Variants in COL19A1 observed in about 807,000 individuals in gnomAD.
The protein encoded by COL19A1 is collagen type XIX alpha 1 chain.
COL19A1 carries 159 observed loss-of-function variants against 190.2 expected under a neutral mutation model. The observed-to-expected ratio is 0.84, with a 90% CI of 0.73 to 0.95. The LOEUF (loss-of-function observed/expected upper bound fraction) is 0.95. Ranked by LOEUF, COL19A1 falls within the 40% of genes least tolerant of loss-of-function variation. COL19A1 has a pLI of 0.00. For synonymous variants in COL19A1, 509 were observed against 458.9 expected, an observed-to-expected ratio of 1.11 and a Z score of -1.39; for missense variants, 1,418 against 1,431.9, an observed-to-expected ratio of 0.99 and a Z score of 0.16.
intron 11 of COL19A1, among the ~76,000 whole-genome samples, chr6:70,008,039 C>G (rs1777741218): frequency 6.6e-6 from 1 of 151,366 alleles, no homozygotes; most frequent in South Asian, 2.1e-4. Flanking sequence ...AAAATAAAAA[C>G]AAGTTTAGTT....
intron 49 of COL19A1, among the ~76,000 whole-genome samples, chr6:70,205,698 A>G (rs1391124331): frequency 6.6e-6 from 1 of 152,266 alleles, no homozygotes; most frequent in South Asian, 2.1e-4. Context: ...CCAATATATA[A>G]AATGCAGATA....
intron 46 of COL19A1, among the ~76,000 whole-genome samples, chr6:70,185,141 T>C (rs1766428211): frequency 6.6e-6 from 1 of 152,214 alleles, no homozygotes. Flanking sequence ...CAAGTATACT[T>C]TGCTGTTTAA....
At chr6:70,072,998 T>C (rs539545184) in intron 15 of COL19A1, among the ~76,000 whole-genome samples, 1 of 141,968 alleles carries the variant, frequency 7.0e-6, no homozygotes, top group African/African-American at 2.6e-5. Flanking sequence ...TTTATTTATT[T>C]ATTATTGAGA....
intron 41 of COL19A1, among the ~76,000 whole-genome samples, chr6:70,174,240 A>G (rs563142450): frequency 1.3e-5 from 2 of 152,228 alleles, no homozygotes; most frequent in South Asian, 4.1e-4. Flanking sequence ...CTTGAGGTTC[A>G]TGGTCATGAA....
chr6:69,950,325 T>C (rs1357059523), intron 9 of COL19A1, among the ~76,000 whole-genome samples: 4 of 151,860 alleles, frequency 2.6e-5, no homozygotes, highest in Admixed American at 2.6e-4. Flanking sequence ...CATTTAGTTA[T>C]GTTCTTTTGT....
At chr6:70,167,969 AG>A in intron 37 of COL19A1, 55 bp from the exon 38 acceptor site, 1 of 1,254,624 alleles carries the variant, frequency 8.0e-7, no homozygotes, top group East Asian at 2.3e-5. Context: ...GATAAAATGT[AG>A]AGATGCAAAG....
chr6:69,900,319 C>A lies in COL19A1; in HGVS notation c.247C>A (p.Leu83Ile). Residue 83 changes from leucine (L) to isoleucine (I), a missense_variant, in exon 4 of 51, where the codon CTT becomes ATT. Coordinates refer to ENST00000620364, the MANE Select transcript of COL19A1 (RefSeq NM_001858.6). ...DKTCFKLGSA[L>I]LIRDTIKIFP... ...AACCTGTTTCAAATTGGGAAGTGCA[C>A]TTCTTATTAGAGACACTATGTAAGT... The A allele has an allele frequency of 6.3e-7, 1 of 1,580,114 alleles. No homozygotes were observed. Among genetic ancestry groups the A allele is most frequent in the South Asian group, 1.2e-5 (1 of 84,794 alleles).
At chr6:70,151,554 T>C in intron 31 of COL19A1, 116 bp downstream of exon 31, 1 of 880,000 alleles carries the variant, frequency 1.1e-6, no homozygotes, top group Non-Finnish European at 1.8e-6. Flanking sequence ...AATTTTTAAA[T>C]GGCAGGACAT....
intron 2 of COL19A1, among the ~76,000 whole-genome samples, chr6:69,891,563 G>C (rs534266397): frequency 6.6e-6 from 1 of 152,260 alleles, no homozygotes; most frequent in African/African-American, 2.4e-5. Flanking sequence ...ATGAGGGAGA[G>C]AGGGAAGAAT....
intron 1 of COL19A1, among the ~76,000 whole-genome samples, chr6:69,876,454 T>G (rs1768132882): frequency 6.6e-6 from 1 of 152,190 alleles, no homozygotes; most frequent in East Asian, 1.9e-4. Flanking sequence ...AACTAAATTT[T>G]TCCAATTATT....
rs749792914 is a variant in COL19A1 at position 70,212,136 on chromosome 6, T to G, written c.*4862T>G. On this transcript the variant is annotated 3_prime_UTR_variant, in exon 51 of 51. Coordinates refer to ENST00000620364, the MANE Select transcript of COL19A1 (RefSeq NM_001858.6). ...TGCTGGCTATTTTACAACTTTTTAT[T>G]GTATTGTGTTATGCAAAGTACATTT... Among the ~76,000 whole-genome samples, 1 of 152,210 alleles carries G rather than the reference T, an allele frequency of 6.6e-6. No homozygotes were observed. The highest frequency in any genetic ancestry group is 1.5e-5 in the Non-Finnish European group (1 of 68,014).
At chr6:69,984,058 C>T (rs1030053093) in intron 11 of COL19A1, among the ~76,000 whole-genome samples, 3 of 151,988 alleles carry the variant, frequency 2.0e-5, no homozygotes, top group African/African-American at 7.2e-5. Context: ...TTTAAGAATT[C>T]ACCAAAAAGC....
intron 4 of COL19A1, among the ~76,000 whole-genome samples, chr6:69,917,517 C>G (rs780160951): frequency 2.0e-5 from 3 of 152,128 alleles, no homozygotes; most frequent in Non-Finnish European, 4.4e-5. Flanking sequence ...CTTACAGGAC[C>G]CTGTTTTTGT....
chr6:69,898,860 TC>T (rs1769968758), intron 2 of COL19A1, 87 bp from the exon 3 acceptor site: 1 of 786,104 alleles, frequency 1.3e-6, no homozygotes, highest in Admixed American at 2.4e-5. Flanking sequence ...TTAATTTATT[TC>T]CATTTTATCT....
Position 70,144,988 on chromosome 6 carries a change from AAAGCCTGCCAGGGGAACCAGT to A in COL19A1, c.1755_1770+5del. On this transcript the variant is annotated splice_donor_variant and coding_sequence_variant, in exon 25 of 51. Coordinates refer to ENST00000620364, the MANE Select transcript of COL19A1 (RefSeq NM_001858.6). LOFTEE classifies it high-confidence loss of function. ...AAAGGTGAGGCTGGTCCTCCAGGGA[AAAGCCTGCCAGGGGAACCAGT>A]AAGTATTAGCCCTTTTGTTAATATT... 2 of 1,591,024 alleles carry A rather than the reference AAAGCCTGCCAGGGGAACCAGT, an allele frequency of 1.3e-6. No homozygotes were observed. Among genetic ancestry groups the A allele is most frequent in the Non-Finnish European group, 1.7e-6 (2 of 1,166,920 alleles).
intron 10 of COL19A1, among the ~76,000 whole-genome samples, chr6:69,961,765 TTTAA>T (rs1231118446): frequency 4.6e-5 from 7 of 151,978 alleles, no homozygotes; most frequent in African/African-American, 1.2e-4. Context: ...ATGTATACTA[TTTAA>T]TTATATAATC....
chr6:70,084,365 A>G (rs1782459181), intron 15 of COL19A1, among the ~76,000 whole-genome samples: 1 of 152,222 alleles, frequency 6.6e-6, no homozygotes, highest in Non-Finnish European at 1.5e-5. Flanking sequence ...CTATGGCCGA[A>G]TTCTGCTCCC....
chr6:70,174,355 G>T (rs542971332), intron 41 of COL19A1, among the ~76,000 whole-genome samples: 25 of 152,276 alleles, frequency 1.6e-4, no homozygotes, highest in African/African-American at 6.0e-4. Flanking sequence ...ATCACCTGAG[G>T]TCAGGAGTTC....
intron 31 of COL19A1, among the ~76,000 whole-genome samples, chr6:70,153,303 A>T (rs951888008): frequency 6.6e-6 from 1 of 152,152 alleles, no homozygotes; most frequent in African/African-American, 2.4e-5. Context: ...GTTCGCAAAA[A>T]TATCTTTGAT....
Sources: gnomAD v4.1 joint callset for allele counts (sites outside exome capture counted in the v4.1 genomes callset) on GRCh38, gnomAD v4.1.1 for gene constraint, MANE v1.5 for transcripts, NCBI Gene and HGNC (gene_info 2026-07-23, HGNC 2026-07-21) for gene names.